The following TAOK3 variants were observed in gnomAD, a reference collection of about 807,000 sequenced individuals.
TAOK3 encodes TAO kinase 3.
TAOK3 carries 40 observed loss-of-function variants against 120.4 expected under a neutral mutation model. The observed-to-expected ratio is 0.33, with a 90% CI of 0.26 to 0.43. TAOK3 has a LOEUF of 0.43. Ranked by LOEUF, TAOK3 falls within the 20% of genes least tolerant of loss-of-function variation. The pLI, the probability that TAOK3 is intolerant of heterozygous loss-of-function variation, is 1.00. For missense variants in TAOK3, 821 were observed against 1,112.1 expected (o/e 0.74, Z 3.72); for synonymous variants, 355 against 387.5 (o/e 0.92, Z 0.99).
At chr12:118,263,925 G>A (rs2041336041) in intron 2 of TAOK3, among the ~76,000 whole-genome samples, 2 of 152,168 alleles carry the variant, frequency 1.3e-5, no homozygotes, top group African/African-American at 4.8e-5. Flanking sequence ...AATTAGCCAT[G>A]TGTTGTGGTG....
At chr12:118,362,273 G>A (rs890398532) in intron 1 of TAOK3, among the ~76,000 whole-genome samples, 29 of 148,360 alleles carry the variant, frequency 2.0e-4, no homozygotes, top group African/African-American at 7.2e-4. Flanking sequence ...GAATTGTCTT[G>A]GGCCACACAT....
Position 118,150,986 on chromosome 12 carries a change from A to G in TAOK3, c.*11T>C. The G allele has an allele frequency of 6.6e-7, 1 of 1,526,148 alleles. No homozygotes were observed. Among genetic ancestry groups the G allele is most frequent in the Non-Finnish European group, 8.8e-7 (1 of 1,142,268 alleles). The allele number at this position is 1,526,148 out of a possible 1,614,324, so 94.5% of individuals were successfully genotyped here. On this transcript the variant is annotated 3_prime_UTR_variant, in exon 21 of 21. Transcript: ENST00000392533. ...TTTTTTTTTTTTTTGTAAATGGCAAAAAATTTAATCTCATCTGTAGTCCTC... is the reference window on the plus strand; with the variant it reads ...TTTTTTTTTTTTTTGTAAATGGCAAGAAATTTAATCTCATCTGTAGTCCTC...
intron 17 of TAOK3, 50 bp downstream of exon 17, chr12:118,172,407 A>G: frequency 1.3e-6 from 2 of 1,577,018 alleles, no homozygotes; most frequent in South Asian, 1.1e-5. Flanking sequence ...AGCCTCACAT[A>G]GCATATTGTC....
In TAOK3 at chr12:118,336,120, A is replaced by G. The variant is rs571601004; in HGVS notation, c.-194+36528T>C. ...AATCTGACGTTTACATGGACAGGCA[A>G]AAGAGCTAGAATGACTAAACAATCT... On this transcript the variant is annotated intron_variant, in intron 1 of 20. Coordinates refer to ENST00000392533, the MANE Select transcript of TAOK3 (RefSeq NM_016281.4). 1.5e-3 allele frequency among the ~76,000 whole-genome samples: 232 copies of G among 152,320 alleles called. 4 individuals carry two copies. The highest frequency in any genetic ancestry group is 0.015 in the Admixed American group (231 of 15,290).
intron 7 of TAOK3, 21 bp downstream of exon 7, chr12:118,238,052 A>G (rs753506392): frequency 5.4e-6 from 8 of 1,486,192 alleles, no homozygotes; most frequent in Non-Finnish European, 7.4e-6. Flanking sequence ...GAAAAGAAAC[A>G]TAACTGGTCT....
chr12:118,199,023 C>A (rs370082014), intron 13 of TAOK3, 28 bp downstream of exon 13: 21 of 1,613,102 alleles, frequency 1.3e-5, no homozygotes, highest in Non-Finnish European at 8.5e-7. Flanking sequence ...ACAAAGCTCA[C>A]CTCTGTGGAG....
At chr12:118,353,733 T>C (rs1273650928) in intron 1 of TAOK3, among the ~76,000 whole-genome samples, 2 of 152,138 alleles carry the variant, frequency 1.3e-5, no homozygotes, top group Non-Finnish European at 2.9e-5. Flanking sequence ...CTTGAGACTA[T>C]TATGTTAGGA....
chr12:118,270,645 T>C (rs578073489), intron 1 of TAOK3, among the ~76,000 whole-genome samples: 1 of 152,046 alleles, frequency 6.6e-6, no homozygotes, highest in East Asian at 1.9e-4. Context: ...ATCTCAGCTA[T>C]TCTTACAGTC....
At position 118,301,748 on chromosome 12, in the gene TAOK3, G is replaced by A. The variant is rs1324123674; in HGVS notation, c.-193-34989C>T. Among the ~76,000 whole-genome samples the A allele has an allele frequency of 2.6e-5, 4 of 151,648 alleles. No individual in the cohort carries two copies. In the East Asian group the frequency reaches 5.9e-4, roughly 22 times the overall value. On this transcript the variant is annotated intron_variant, in intron 1 of 20. Transcript: ENST00000392533. ...TCCCAGCTACTCAGGAGGCTGAGGC[G>A]GGAGGATCGCTTGAACCTGGGAGGC...
chr12:118,364,060 C>T (rs1020298744), intron 1 of TAOK3, among the ~76,000 whole-genome samples: 5 of 151,998 alleles, frequency 3.3e-5, no homozygotes, highest in African/African-American at 4.8e-5. Context: ...TGCTTGAACC[C>T]GGGAGGCAGA....
chr12:118,192,430 C>A (rs2037483090), intron 13 of TAOK3, among the ~76,000 whole-genome samples: 1 of 151,968 alleles, frequency 6.6e-6, no homozygotes, highest in Non-Finnish European at 1.5e-5. Flanking sequence ...TCTTAGTTTT[C>A]CAGATCATTT....
intron 1 of TAOK3, among the ~76,000 whole-genome samples, chr12:118,327,071 A>G (rs2043964563): frequency 6.6e-6 from 1 of 152,192 alleles, no homozygotes; most frequent in African/African-American, 2.4e-5. Context: ...ACATCTCTTA[A>G]TGTTCTTATT....
At chr12:118,151,947 C>T (rs1344279777) in intron 20 of TAOK3, among the ~76,000 whole-genome samples, 1 of 152,176 alleles carries the variant, frequency 6.6e-6, no homozygotes, top group Non-Finnish European at 1.5e-5. Flanking sequence ...TCACATCAAC[C>T]ACCCCAGCAA....
rs763473530 is a variant in TAOK3, at chr12:118,234,212, A to ATTTTTTTTTTTTTTTTTTTTTT, written c.552-469_552-448dup. The stretch of plus-strand genomic sequence containing the variant: ...TTAAAGTAATTAAATAAAGCAGGAA[A>ATTTTTTTTTTTTTTTTTTTTTT]TTTTTTTTTTTTTTTTTTTTTTTTT... On this transcript the variant is annotated intron_variant, in intron 8 of 20. Coordinates refer to ENST00000392533, the MANE Select transcript of TAOK3 (RefSeq NM_016281.4). Among the ~76,000 whole-genome samples, 101 of 58,336 alleles carry ATTTTTTTTTTTTTTTTTTTTTT rather than the reference A, an allele frequency of 1.7e-3. 14 individuals carry two copies. The highest frequency in any genetic ancestry group is 2.0e-3 in the Non-Finnish European group (65 of 32,396). The allele number at this position is 58,336 out of a possible 152,430, so 38.3% of individuals were successfully genotyped here. A position where few individuals can be genotyped will look rare whatever the true frequency, so the allele number is the denominator to read the frequency against.
At chr12:118,245,985 G>A in intron 3 of TAOK3, 1 of 560,424 alleles carries the variant, frequency 1.8e-6, no homozygotes. Flanking sequence ...TCAAAAACAA[G>A]CTATAAAGTA....
chr12:118,276,821 A>G lies in TAOK3; in HGVS notation c.-193-10062T>C, dbSNP rs530961650. ...GGAGTTCGAGACCAACCTGGCCAAC[A>G]TGGTAAAACCCCGTGTCTACTAAAA... On this transcript the variant is annotated intron_variant, in intron 1 of 20. Transcript: ENST00000392533. 3.5e-3 allele frequency among the ~76,000 whole-genome samples: 536 copies of G among 152,252 alleles called. 4 individuals are homozygous for G. Among genetic ancestry groups the G allele is most frequent in the African/African-American group, 0.013 (525 of 41,554 alleles).
chr12:118,258,077 A>G (rs1434825707), intron 2 of TAOK3, among the ~76,000 whole-genome samples: 1 of 152,234 alleles, frequency 6.6e-6, no homozygotes, highest in Non-Finnish European at 1.5e-5. Flanking sequence ...GATGTGAAAA[A>G]GCATGCCTTT....
intron 11 of TAOK3, among the ~76,000 whole-genome samples, chr12:118,203,190 T>C (rs1044586135): frequency 1.3e-5 from 2 of 152,176 alleles, no homozygotes; most frequent in African/African-American, 4.8e-5. Flanking sequence ...GTATAGTGTA[T>C]GCTTGAAAAT....
intron 17 of TAOK3, among the ~76,000 whole-genome samples, chr12:118,167,128 C>G (rs1035324073): frequency 3.3e-5 from 5 of 152,082 alleles, no homozygotes; most frequent in African/African-American, 1.2e-4. Flanking sequence ...TTAGTTTCAA[C>G]ACTGGTCAGA....
Sources: gnomAD v4.1 joint callset for allele counts (sites outside exome capture counted in the v4.1 genomes callset) on GRCh38, gnomAD v4.1.1 for gene constraint, MANE v1.5 for transcripts, NCBI Gene and HGNC (gene_info 2026-07-23, HGNC 2026-07-21) for gene names.